FBP2: variants seen among roughly 807,000 people sequenced by gnomAD.
FBP2 encodes fructose-1,6-bisphosphatase isozyme 2.
FBP2 carries 27 observed loss-of-function variants against 31.6 expected under a neutral mutation model. The observed-to-expected ratio is 0.85, with a 90% CI of 0.63 to 1.18. FBP2 has a LOEUF of 1.18. Among genes scored for constraint, FBP2 ranks in the 50% most tolerant of loss-of-function variants. The pLI is 0.00. For synonymous variants in FBP2, 168 were observed against 179.8 expected, an observed-to-expected ratio of 0.93 and a Z score of 0.53; for missense variants, 421 against 436.1, an observed-to-expected ratio of 0.97 and a Z score of 0.31.
chr9:94,587,373 G>C lies in FBP2; in HGVS notation c.267C>G (p.Ser89=), dbSNP rs770569474. 2 of 1,613,928 alleles carry C rather than the reference G, an allele frequency of 1.2e-6. No individual in the cohort carries two copies. Among genetic ancestry groups the C allele is most frequent in the Non-Finnish European group, 1.7e-6 (2 of 1,179,938 alleles). Residue 89 remains serine, a synonymous_variant, in exon 2 of 7, where the codon TCC becomes TCG. Coordinates refer to ENST00000375337, the MANE Select transcript of FBP2 (RefSeq NM_003837.4). ...NSLVINMVQS[S]YSTCVLVSEE... is the part of the protein sequence containing the mutation. ...CTGAGACCAGGACGCAGGTACTATA[G>C]GAGGATTGGACCATGTTGATCACCA...
intron 4 of FBP2, chr9:94,567,784 A>G (rs999572891): frequency 5.3e-6 from 1 of 189,732 alleles, no homozygotes; most frequent in Admixed American, 5.4e-5. Flanking sequence ...GGCCATCAAC[A>G]GTGAGAGGAA....
intron 3 of FBP2, among the ~76,000 whole-genome samples, chr9:94,583,740 C>T (rs747793168): frequency 2.0e-5 from 3 of 152,188 alleles, no homozygotes; most frequent in African/African-American, 7.2e-5. Context: ...GCTGGAATTA[C>T]AGGCGTGCAC....
At chr9:94,577,985 AT>A (rs1444821034) in intron 3 of FBP2, among the ~76,000 whole-genome samples, 1 of 152,254 alleles carries the variant, frequency 6.6e-6, no homozygotes, top group Non-Finnish European at 1.5e-5. Context: ...TTAAGTTCAA[AT>A]GCTTTCCAAG....
At chr9:94,564,650 G>A (rs1024591426) in intron 5 of FBP2, among the ~76,000 whole-genome samples, 2 of 152,098 alleles carry the variant, frequency 1.3e-5, no homozygotes, top group South Asian at 4.2e-4. Context: ...ACAGACACTG[G>A]GGCCTACGTG....
At chr9:94,565,200 C>T (rs1350417544) in intron 5 of FBP2, among the ~76,000 whole-genome samples, 2 of 151,954 alleles carry the variant, frequency 1.3e-5, no homozygotes, top group Non-Finnish European at 2.9e-5. Context: ...ATGGTGAAAT[C>T]CCATCTCTAC....
At chr9:94,581,733 C>T (rs1441172893) in intron 3 of FBP2, among the ~76,000 whole-genome samples, 1 of 152,198 alleles carries the variant, frequency 6.6e-6, no homozygotes, top group Admixed American at 6.5e-5. Context: ...AATGGACCTG[C>T]CTCTTGGCCG....
At chr9:94,572,115 TTCTC>T (rs1827276087) in intron 3 of FBP2, among the ~76,000 whole-genome samples, 1 of 152,092 alleles carries the variant, frequency 6.6e-6, no homozygotes, top group African/African-American at 2.4e-5. Context: ...GATTCTGCCT[TTCTC>T]TCTGACTCTG....
At chr9:94,583,382 C>T (rs562174182) in intron 3 of FBP2, among the ~76,000 whole-genome samples, 1 of 152,176 alleles carries the variant, frequency 6.6e-6, no homozygotes. Flanking sequence ...CTAACTACAA[C>T]CCAAGGCAAC....
chr9:94,581,556 T>C (rs935549991), intron 3 of FBP2, among the ~76,000 whole-genome samples: 6 of 152,122 alleles, frequency 3.9e-5, no homozygotes, highest in Admixed American at 1.3e-4. Context: ...CCCTGGGCCA[T>C]AGGGGTCCCA....
chr9:94,585,868 C>T (rs2131458981), intron 2 of FBP2, among the ~76,000 whole-genome samples: 1 of 151,896 alleles, frequency 6.6e-6, no homozygotes. Flanking sequence ...ACCTCAGACT[C>T]CCGAGTAGCT....
chr9:94,565,368 C>CAA (rs369180827), intron 5 of FBP2, among the ~76,000 whole-genome samples: 30 of 46,570 alleles, frequency 6.4e-4, no homozygotes, highest in African/African-American at 1.9e-3. Context: ...GACTCCACCT[C>CAA]AAAAAAAAAA....
At chr9:94,568,305 CAT>C (rs1325937990) in intron 4 of FBP2, 3 of 152,156 alleles carry the variant, frequency 2.0e-5, no homozygotes, top group African/African-American at 4.8e-5. Flanking sequence ...AATCCTCAGA[CAT>C]ATTAATAAAA....
intron 3 of FBP2, among the ~76,000 whole-genome samples, chr9:94,572,281 T>A (rs1368849492): frequency 1.3e-5 from 2 of 152,090 alleles, no homozygotes; most frequent in Non-Finnish European, 2.9e-5. Flanking sequence ...AAATGGGGAC[T>A]CTTAGCTGCT....
chr9:94,573,589 T>A (rs1827290196), intron 3 of FBP2, among the ~76,000 whole-genome samples: 1 of 152,200 alleles, frequency 6.6e-6, no homozygotes, highest in Non-Finnish European at 1.5e-5. Context: ...TACGATTATG[T>A]GATTTTTCTT....
In FBP2 at chr9:94,593,806, A is replaced by C. The variant is rs148648693; in HGVS notation, c.-80T>G. On this transcript the variant is annotated 5_prime_UTR_variant, in exon 1 of 7. Coordinates refer to ENST00000375337, the MANE Select transcript of FBP2 (RefSeq NM_003837.4). ...TGAGGGCTGCAGCTCCGCAGTGTGG[A>C]AGCCGATAAGAAATCTGTGCTGGCC... is the stretch of plus-strand genomic sequence containing the variant. 6.5e-4 allele frequency: 974 copies of C among 1,496,550 alleles called. 1 individual carries two copies. In the African/African-American group the frequency reaches 0.012, roughly 19 times the overall value. 92.7% of individuals were successfully genotyped at this position (1,496,550 alleles called of 1,614,324 possible). A position where few individuals can be genotyped will look rare whatever the true frequency, so the allele number is the denominator to read the frequency against.
At chr9:94,584,758 C>T in intron 2 of FBP2, 89 bp from the exon 3 acceptor site, 2 of 776,836 alleles carry the variant, frequency 2.6e-6, no homozygotes, top group East Asian at 2.6e-5. Context: ...GCAGAGTACA[C>T]CACATCAAAA....
chr9:94,590,577 C>T (rs187317631), intron 1 of FBP2, among the ~76,000 whole-genome samples: 76 of 152,258 alleles, frequency 5.0e-4, no homozygotes, highest in African/African-American at 1.7e-3. Context: ...GTTCGTTCCT[C>T]CCAGTGGGCT....
rs1308264852 is a variant in FBP2, at chr9:94,571,617, GA to G, written c.427-16del. On this transcript the variant is annotated splice_polypyrimidine_tract_variant and intron_variant, in intron 3 of 6. Coordinates refer to ENST00000375337, the MANE Select transcript of FBP2 (RefSeq NM_003837.4). ...TCCTCTGAGGTCTGTGGAAGAGAGG[GA>G]TAAATGCCATGTGTTATTGTTGTCT... 11 of 1,605,462 alleles carry G rather than the reference GA, an allele frequency of 6.9e-6. 1 individual carries two copies. The highest frequency in any genetic ancestry group is 9.4e-6 in the Non-Finnish European group (11 of 1,175,186).
At chr9:94,578,327 C>T (rs921419281) in intron 3 of FBP2, among the ~76,000 whole-genome samples, 2 of 152,074 alleles carry the variant, frequency 1.3e-5, no homozygotes, top group African/African-American at 2.4e-5. Flanking sequence ...ACCTAATGTT[C>T]GGACTTTTAA....
Sources: gnomAD v4.1 joint callset for allele counts (sites outside exome capture counted in the v4.1 genomes callset) on GRCh38, gnomAD v4.1.1 for gene constraint, MANE v1.5 for transcripts, NCBI Gene and HGNC (gene_info 2026-07-23, HGNC 2026-07-21) for gene names.